Variants in OLFM3 observed in about 807,000 individuals in gnomAD.
OLFM3 encodes the protein olfactomedin 3, also known as noelin-3.
A neutral mutation model predicts 48.6 loss-of-function variants in OLFM3; 20 were observed. That is an observed-to-expected ratio of 0.41 (90% CI 0.29 to 0.60). OLFM3 has a LOEUF of 0.60. Ranked by LOEUF, OLFM3 falls within the 20% of genes least tolerant of loss-of-function variation. The pLI is 0.28. For missense variants in OLFM3, 437 were observed against 544.3 expected (o/e 0.80, Z 1.96); for synonymous variants, 222 against 198.1 (o/e 1.12, Z -1.01).
chr1:101,892,335 C>G (rs1658031176), intron 1 of OLFM3, among the ~76,000 whole-genome samples: 2 of 151,888 alleles, frequency 1.3e-5, no homozygotes, highest in Admixed American at 6.6e-5. Flanking sequence ...ATAAGAGACC[C>G]CAGCAGACAG....
intron 1 of OLFM3, among the ~76,000 whole-genome samples, chr1:101,964,798 G>A (rs1456721331): frequency 1.3e-5 from 2 of 152,172 alleles, no homozygotes; most frequent in African/African-American, 4.8e-5. Context: ...GTATACAGGA[G>A]AAATCCATTT....
At chr1:101,879,200 AG>A (rs199951196) in intron 1 of OLFM3, among the ~76,000 whole-genome samples, 2,095 of 151,984 alleles carry the variant, frequency 0.014, 53 homozygotes, top group African/African-American at 0.048. Context: ...CTTAAAGCAC[AG>A]GAAACATGGA....
intron 1 of OLFM3, among the ~76,000 whole-genome samples, chr1:101,840,897 A>T (rs1449953200): frequency 1.3e-5 from 2 of 152,250 alleles, no homozygotes; most frequent in African/African-American, 4.8e-5. Flanking sequence ...TAATAATCAC[A>T]GTGATTACTG....
chr1:101,845,152 T>C (rs1655928801), intron 1 of OLFM3, among the ~76,000 whole-genome samples: 1 of 151,992 alleles, frequency 6.6e-6, no homozygotes, highest in South Asian at 2.1e-4. Flanking sequence ...TTCTTCTTAT[T>C]ATTATTTTCT....
intron 1 of OLFM3, among the ~76,000 whole-genome samples, chr1:101,883,571 C>T (rs1374085459): frequency 6.6e-6 from 1 of 151,792 alleles, no homozygotes; most frequent in Non-Finnish European, 1.5e-5. Flanking sequence ...TTGATAATGT[C>T]CAATTATGTC....
At chr1:101,807,006 T>A (rs927685516) in intron 4 of OLFM3, among the ~76,000 whole-genome samples, 25 of 151,804 alleles carry the variant, frequency 1.6e-4, no homozygotes, top group Non-Finnish European at 3.4e-4. Flanking sequence ...TGTGAGATTT[T>A]AAAAAAAGAT....
intron 1 of OLFM3, among the ~76,000 whole-genome samples, chr1:101,894,243 T>G (rs1239515605): frequency 6.6e-6 from 1 of 152,106 alleles, no homozygotes; most frequent in Non-Finnish European, 1.5e-5. Flanking sequence ...CCAACAAACC[T>G]CTCTCCACTT....
At chr1:101,972,799 C>G (rs917033292) in intron 1 of OLFM3, among the ~76,000 whole-genome samples, 6 of 152,162 alleles carry the variant, frequency 3.9e-5, no homozygotes, top group Non-Finnish European at 5.9e-5. Context: ...AGCTTAGACC[C>G]TCCTCTCACT....
intron 4 of OLFM3, among the ~76,000 whole-genome samples, chr1:101,811,759 A>C (rs979516828): frequency 6.6e-6 from 1 of 152,178 alleles, no homozygotes; most frequent in African/African-American, 2.4e-5. Flanking sequence ...TAGTTCAACC[A>C]TTGTGGAAGA....
intron 3 of OLFM3, among the ~76,000 whole-genome samples, chr1:101,828,050 GTC>G (rs755584838): frequency 5.9e-5 from 8 of 134,944 alleles, no homozygotes; most frequent in Admixed American, 7.7e-5. Flanking sequence ...CTGTCTGTCT[GTC>G]TCTCTCTCTC....
chr1:101,931,144 G>A (rs762605492), intron 1 of OLFM3, among the ~76,000 whole-genome samples: 29 of 152,174 alleles, frequency 1.9e-4, no homozygotes, highest in Non-Finnish European at 3.5e-4. Flanking sequence ...CTCAATGGAA[G>A]TAAAATAAAC....
At chr1:101,864,003 G>A (rs541225857) in intron 1 of OLFM3, among the ~76,000 whole-genome samples, 70 of 152,238 alleles carry the variant, frequency 4.6e-4, no homozygotes, top group African/African-American at 1.7e-3. Context: ...GAGACCCCAT[G>A]GGGAAAACAG....
At chr1:101,992,747 T>C (rs1661449436) in intron 1 of OLFM3, among the ~76,000 whole-genome samples, 1 of 152,102 alleles carries the variant, frequency 6.6e-6, no homozygotes. Flanking sequence ...TTTAGCAATA[T>C]CAAAATTGTT....
chr1:101,985,984 GAC>G (rs1168473554), intron 1 of OLFM3, among the ~76,000 whole-genome samples: 2 of 81,974 alleles, frequency 2.4e-5, no homozygotes, highest in African/African-American at 8.7e-5. Context: ...TTTTTTTTTT[GAC>G]ACAGAGTCTC....
intron 1 of OLFM3, among the ~76,000 whole-genome samples, chr1:101,894,454 C>T (rs567971919): frequency 6.6e-6 from 1 of 152,088 alleles, no homozygotes; most frequent in Non-Finnish European, 1.5e-5. Context: ...CCTAAATTAT[C>T]TCATTTAGTA....
At chr1:101,849,530 G>A (rs886353780) in intron 1 of OLFM3, among the ~76,000 whole-genome samples, 5 of 152,214 alleles carry the variant, frequency 3.3e-5, no homozygotes, top group Non-Finnish European at 7.3e-5. Context: ...AAGCAAAGCA[G>A]TAAGATCATT....
At position 101,846,953 on chromosome 1, in the gene OLFM3, C is replaced by T. The variant is rs138066075; in HGVS notation, c.70-9928G>A. ...CCATGGTACTAAGCACAGCGCCAAGCTTCAGCAGTGGAGGACTCATTGCTG... is the reference window on the plus strand; with the variant it reads ...CCATGGTACTAAGCACAGCGCCAAGTTTCAGCAGTGGAGGACTCATTGCTG... On this transcript the variant is annotated intron_variant, in intron 1 of 5. Coordinates refer to ENST00000370103, the MANE Select transcript of OLFM3 (RefSeq NM_058170.4). 3.8e-5 allele frequency: 61 copies of T among 1,612,346 alleles called. No homozygotes were observed. The African/African-American group carries it at 7.5e-4, about 20-fold the overall frequency.
At chr1:101,894,091 T>C (rs559215323) in intron 1 of OLFM3, 1 of 154,228 alleles carries the variant, frequency 6.5e-6, no homozygotes, top group African/African-American at 2.4e-5. Context: ...TTATGGGCAG[T>C]AGTGAATGAG....
At chr1:101,857,975 AT>A (rs1656498751) in intron 1 of OLFM3, among the ~76,000 whole-genome samples, 1 of 152,086 alleles carries the variant, frequency 6.6e-6, no homozygotes, top group African/African-American at 2.4e-5. Context: ...TTATCTGAAC[AT>A]TGAAAATGCA....
Sources: gnomAD v4.1 joint callset for allele counts (sites outside exome capture counted in the v4.1 genomes callset) on GRCh38, gnomAD v4.1.1 for gene constraint, MANE v1.5 for transcripts, NCBI Gene and HGNC (gene_info 2026-07-23, HGNC 2026-07-21) for gene names.